Variants in VDR observed in about 807,000 individuals in gnomAD.
The protein encoded by VDR is vitamin D receptor.
Under a neutral mutation model 39.7 loss-of-function variants are expected in VDR, and 19 were observed. The ratio of observed to expected loss-of-function variants is 0.48; its 90% confidence interval spans 0.33 to 0.70. The LOEUF (loss-of-function observed/expected upper bound fraction) is 0.70, where lower values mean the gene tolerates loss of function less well. VDR is among the 30% of genes least tolerant of loss of function. The pLI, the probability that VDR is intolerant of heterozygous loss-of-function variation, is 0.02. For synonymous variants in VDR, 242 were observed against 215.8 expected (o/e 1.12, Z -1.07); for missense variants, 442 against 570.5 (o/e 0.77, Z 2.29).
intron 7 of VDR, among the ~76,000 whole-genome samples, chr12:47,855,195 G>A (rs1233520122): frequency 6.6e-6 from 1 of 152,108 alleles, no homozygotes; most frequent in Admixed American, 6.5e-5. Flanking sequence ...GGGCTTGGTG[G>A]CCCACACCTG....
chr12:47,846,434 G>T lies in VDR; in HGVS notation c.925C>A (p.Leu309Met). 6.4e-7 allele frequency: 1 copy of T among 1,567,332 alleles called. No individual in the cohort carries two copies. The highest frequency in any genetic ancestry group is 8.7e-7 in the Non-Finnish European group (1 of 1,155,884). The change falls in exon 9 of 10, where the codon CTG becomes ATG. Residue 309 changes from leucine to methionine, a missense_variant. This residue lies in a region of VDR where 173 missense variants were observed against 252.0 expected (regional missense o/e 0.69). Transcript: ENST00000549336. Reference sequence around the variant, plus strand: ...TGGAACTTGATGAGGGGCTCAATCAGCTCCAGGCTGTGTCCGGCTGTGAGA... The same window carrying T: ...TGGAACTTGATGAGGGGCTCAATCATCTCCAGGCTGTGTCCGGCTGTGAGA... The part of the protein sequence containing the change: ...DVTKAGHSLE[L>M]IEPLIKFQVG...
chr12:47,863,823 C>A (rs1945672558), intron 4 of VDR, among the ~76,000 whole-genome samples: 3 of 152,178 alleles, frequency 2.0e-5, no homozygotes, highest in Admixed American at 6.5e-5. Context: ...AGGTCAAGGC[C>A]CAAAGAGGAA....
At chr12:47,889,117 G>A (rs12721375) in intron 1 of VDR, among the ~76,000 whole-genome samples, 15,602 of 152,010 alleles carry the variant, frequency 0.1, 1,041 homozygotes, top group Non-Finnish European at 0.14. Context: ...CCCTTACTGC[G>A]TGGCCTTGGA....
intron 1 of VDR, chr12:47,900,039 G>T: frequency 1.3e-6 from 1 of 784,074 alleles, no homozygotes; most frequent in Non-Finnish European, 1.5e-6. Flanking sequence ...TCAGCACATA[G>T]TAGGTTTTCA....
chr12:47,850,326 T>C (rs2137130488), intron 7 of VDR, among the ~76,000 whole-genome samples: 1 of 152,334 alleles, frequency 6.6e-6, no homozygotes, highest in African/African-American at 2.4e-5. Context: ...CATAACAGTA[T>C]ACTCTAAGTT....
At chr12:47,875,996 T>TAAAC (rs957933263) in intron 3 of VDR, among the ~76,000 whole-genome samples, 58 of 152,250 alleles carry the variant, frequency 3.8e-4, no homozygotes, top group African/African-American at 1.3e-3. Flanking sequence ...GGAACTGTTT[T>TAAAC]AAACAGCAAA....
intron 7 of VDR, 68 bp downstream of exon 7, chr12:47,855,562 T>C: frequency 1.3e-5 from 21 of 1,584,418 alleles, no homozygotes; most frequent in Non-Finnish European, 1.8e-5. Flanking sequence ...ATGAGTGATC[T>C]CCAACCCTTC....
intron 4 of VDR, among the ~76,000 whole-genome samples, chr12:47,863,295 A>C (rs1175155686): frequency 1.3e-5 from 2 of 152,114 alleles, no homozygotes; most frequent in Non-Finnish European, 2.9e-5. Flanking sequence ...TGAGTCTCAG[A>C]TGTTCTTTCT....
chr12:47,862,486 A>G (rs1266934889), intron 4 of VDR, among the ~76,000 whole-genome samples: 1 of 152,280 alleles, frequency 6.6e-6, no homozygotes, highest in African/African-American at 2.4e-5. Flanking sequence ...TGAAAAAATA[A>G]AAGTATTTAC....
intron 3 of VDR, among the ~76,000 whole-genome samples, chr12:47,873,709 G>A (rs1254593313): frequency 6.6e-6 from 1 of 152,198 alleles, no homozygotes; most frequent in Non-Finnish European, 1.5e-5. Flanking sequence ...CTTTATAGCA[G>A]TGTGAATATG....
chr12:47,885,853 A>G (rs1946243617), intron 1 of VDR, among the ~76,000 whole-genome samples: 1 of 152,198 alleles, frequency 6.6e-6, no homozygotes, highest in Non-Finnish European at 1.5e-5. Flanking sequence ...GAGCCACGCC[A>G]GGAAAGAAGA....
At chr12:47,855,869 C>T (rs1284686120) in intron 6 of VDR, 68 bp from the exon 7 acceptor site, 2 of 1,593,582 alleles carry the variant, frequency 1.3e-6, no homozygotes, top group South Asian at 1.1e-5. Flanking sequence ...CCTGCCAGAC[C>T]CTGCAAAAAC....
chr12:47,850,142 G>A (rs1448602439), intron 7 of VDR, among the ~76,000 whole-genome samples: 2 of 152,150 alleles, frequency 1.3e-5, no homozygotes, highest in South Asian at 2.1e-4. Context: ...GTGAGCCACC[G>A]TGCCTGGCAC....
intron 1 of VDR, among the ~76,000 whole-genome samples, chr12:47,903,269 C>A (rs1946602121): frequency 6.6e-6 from 1 of 152,210 alleles, no homozygotes. Flanking sequence ...TGTGAATTCC[C>A]CAGCTTTTTG....
At chr12:47,869,531 A>G (rs1216693839) in intron 3 of VDR, among the ~76,000 whole-genome samples, 3 of 83,402 alleles carry the variant, frequency 3.6e-5, no homozygotes, top group South Asian at 1.1e-3. Flanking sequence ...GCGAGACTCC[A>G]TCTCAAAAAA....
chr12:47,879,216 C>T, intron 2 of VDR, 101 bp from the exon 3 acceptor site: 11 of 1,391,784 alleles, frequency 7.9e-6, no homozygotes, highest in Non-Finnish European at 1.1e-5. Flanking sequence ...CCACCGCCCC[C>T]ACCCCCCACC....
At chr12:47,871,630 A>T (rs1025598439) in intron 3 of VDR, among the ~76,000 whole-genome samples, 1 of 151,576 alleles carries the variant, frequency 6.6e-6, no homozygotes, top group Non-Finnish European at 1.5e-5. Flanking sequence ...CGCCTGGCCA[A>T]TTTTTTGTAT....
intron 2 of VDR, 71 bp downstream of exon 2, chr12:47,882,623 G>GGCCCCGGGGCCCCCCCC: frequency 1.8e-6 from 1 of 543,278 alleles, no homozygotes; most frequent in Middle Eastern, 4.9e-4. Context: ...ACCTTCTTAT[G>GGCCCCGGGGCCCCCCCC]CCCCTCCCCC....
intron 6 of VDR, 55 bp downstream of exon 6, chr12:47,857,074 G>A (rs941904057): frequency 1.4e-5 from 22 of 1,611,084 alleles, no homozygotes; most frequent in African/African-American, 2.7e-5. Context: ...GGGCAGGTGC[G>A]GTGGACTCCT....
Sources: allele counts gnomAD v4.1 joint callset (sites outside exome capture counted in the v4.1 genomes callset), GRCh38; gene constraint gnomAD v4.1.1; regional missense constraint gnomAD v4.1.1; transcripts MANE v1.5; gene names NCBI Gene and HGNC (gene_info 2026-07-23, HGNC 2026-07-21).